Variants in CEP192 observed in about 807,000 individuals in gnomAD.
CEP192 encodes centrosomal protein 192, also known as centrosomal protein of 192 kDa.
In CEP192, 151 loss-of-function variants were observed where a neutral mutation model predicts 271.8. That is an observed-to-expected ratio of 0.56 (90% CI 0.49 to 0.64). The LOEUF (loss-of-function observed/expected upper bound fraction) is 0.64. Ranked by LOEUF, CEP192 falls within the 30% of genes least tolerant of loss-of-function variation. The pLI, the probability that CEP192 is intolerant of heterozygous loss-of-function variation, is 0.00. For missense variants in CEP192, 2,910 were observed against 3,020.5 expected, an observed-to-expected ratio of 0.96 and a Z score of 0.86; for synonymous variants, 995 against 1,076.5, an observed-to-expected ratio of 0.92 and a Z score of 1.48.
At chr18:13,092,349 G>A in intron 33 of CEP192, 28 bp from the exon 34 acceptor site, 1 of 1,473,820 alleles carries the variant, frequency 6.8e-7, no homozygotes, top group South Asian at 1.2e-5. Flanking sequence ...GAACATTCAT[G>A]TATTTCAAAC....
intron 36 of CEP192, among the ~76,000 whole-genome samples, chr18:13,098,391 C>T (rs1207947683): frequency 6.6e-6 from 1 of 152,118 alleles, no homozygotes; most frequent in Non-Finnish European, 1.5e-5. Flanking sequence ...GACGGGGCGG[C>T]TGCCGGGCGG....
intron 1 of CEP192, among the ~76,000 whole-genome samples, chr18:12,992,269 C>G (rs1239633792): frequency 6.6e-6 from 1 of 152,150 alleles, no homozygotes; most frequent in African/African-American, 2.4e-5. Context: ...AAGCCTTGAA[C>G]AATAATATAC....
intron 3 of CEP192, among the ~76,000 whole-genome samples, chr18:13,005,514 C>T (rs117542959): frequency 0.014 from 2,092 of 152,296 alleles, 19 homozygotes; most frequent in South Asian, 0.023. Context: ...AGGGTATCCT[C>T]TTGACTCTTG....
intron 15 of CEP192, among the ~76,000 whole-genome samples, chr18:13,046,005 G>C (rs2036454767): frequency 6.6e-6 from 1 of 152,122 alleles, no homozygotes; most frequent in East Asian, 1.9e-4. Context: ...GTATTAGCCT[G>C]TTTCTTGCAT....
At chr18:13,023,908 G>A (rs953997857) in intron 9 of CEP192, among the ~76,000 whole-genome samples, 2 of 152,148 alleles carry the variant, frequency 1.3e-5, no homozygotes, top group Non-Finnish European at 2.9e-5. Context: ...TCAGATAGGG[G>A]CCTACTCAAA....
intron 9 of CEP192, among the ~76,000 whole-genome samples, chr18:13,022,852 T>C (rs1358722078): frequency 6.6e-6 from 1 of 152,256 alleles, no homozygotes; most frequent in Non-Finnish European, 1.5e-5. Context: ...GGTTTTCTTT[T>C]ATTTCTTTCT....
intron 8 of CEP192, 80 bp from the exon 9 acceptor site, chr18:13,019,002 T>A: frequency 7.5e-7 from 1 of 1,332,646 alleles, no homozygotes; most frequent in South Asian, 1.5e-5. Context: ...ATAAAATAAT[T>A]TGACTGGCAA....
chr18:13,091,872 T>C (rs2039162977), intron 33 of CEP192, among the ~76,000 whole-genome samples: 1 of 152,212 alleles, frequency 6.6e-6, no homozygotes, highest in Non-Finnish European at 1.5e-5. Flanking sequence ...TTAAAAATCA[T>C]GGACCCTTAA....
Position 13,116,438 on chromosome 18 carries a change from A to G in CEP192, c.7351A>G (p.Thr2451Ala). ...AGAGGATGTGTACAGGTTCCGGCCG[A>G]CTAGTGTGGGGGAATCACGGACACT... is the stretch of plus-strand genomic sequence containing the variant. Reference protein sequence around the residue: ...APEDVYRFRPTSVGESRTLKV... With the variant: ...APEDVYRFRPASVGESRTLKV... The change falls in exon 43 of 45, where the codon ACT (threonine) becomes GCT (alanine). Residue 2451 changes from threonine to alanine, a missense_variant. Coordinates refer to ENST00000506447, the MANE Select transcript of CEP192 (RefSeq NM_032142.4). 1 of 1,612,420 alleles carries G rather than the reference A, an allele frequency of 6.2e-7. No homozygotes were observed. The highest frequency in any genetic ancestry group is 8.5e-7 in the Non-Finnish European group (1 of 1,179,456).
intron 40 of CEP192, among the ~76,000 whole-genome samples, chr18:13,107,080 G>A (rs770360168): frequency 6.6e-6 from 1 of 152,186 alleles, no homozygotes; most frequent in Non-Finnish European, 1.5e-5. Context: ...ATGTGTGTGT[G>A]TGTGTACATA....
Position 12,999,444 on chromosome 18 carries a change from T to G in CEP192, c.20T>G (p.Ile7Arg), listed in dbSNP as rs180793650. 2.6e-6 allele frequency: 4 copies of G among 1,548,558 alleles called. No homozygotes were observed. In the Admixed American group the frequency reaches 8.0e-5, roughly 31 times the overall value. The change falls in exon 2 of 45, where the codon ATA becomes AGA. Residue 7 changes from isoleucine to arginine, a missense_variant. Physicochemically the swap from Ile to Arg is moderately conservative, Grantham distance 97. Coordinates refer to ENST00000506447, the MANE Select transcript of CEP192 (RefSeq NM_032142.4). Reference sequence around the variant, plus strand: ...AGTGAGATGGAAGATTTTCGAGGTATAGCAGAAGAATCATTTCCAAGCTTT... The same window carrying G: ...AGTGAGATGGAAGATTTTCGAGGTAGAGCAGAAGAATCATTTCCAAGCTTT... MEDFRG[I>R]AEESFPSFLT...
At chr18:13,014,029 T>A (rs1383169159) in intron 5 of CEP192, among the ~76,000 whole-genome samples, 3 of 152,254 alleles carry the variant, frequency 2.0e-5, no homozygotes, top group Non-Finnish European at 4.4e-5. Flanking sequence ...ATGGCTGTTA[T>A]TTGTGCTACA....
intron 3 of CEP192, among the ~76,000 whole-genome samples, chr18:13,003,793 C>T (rs1599035587): frequency 6.6e-6 from 1 of 152,058 alleles, no homozygotes; most frequent in Non-Finnish European, 1.5e-5. Flanking sequence ...GAGTGAGACC[C>T]TATCTCAAAA....
At chr18:13,052,151 A>G (rs950121168) in intron 17 of CEP192, among the ~76,000 whole-genome samples, 4 of 152,230 alleles carry the variant, frequency 2.6e-5, no homozygotes, top group African/African-American at 9.6e-5. Flanking sequence ...AATGAACAGA[A>G]TAATGAGGAA....
At chr18:13,069,659 C>T in intron 26 of CEP192, 79 bp from the exon 27 acceptor site, 1 of 776,340 alleles carries the variant, frequency 1.3e-6, no homozygotes, top group South Asian at 1.5e-5. Flanking sequence ...ATGAGAAACG[C>T]ACGTAAGGCA....
chr18:13,097,465 C>G (rs143879854), intron 36 of CEP192, among the ~76,000 whole-genome samples: 150 of 151,892 alleles, frequency 9.9e-4, no homozygotes, highest in African/African-American at 3.4e-3. Flanking sequence ...CCTTTTTTTT[C>G]CAGTTTCCTC....
At chr18:13,033,195 T>A (rs1403512262) in intron 11 of CEP192, among the ~76,000 whole-genome samples, 2 of 152,188 alleles carry the variant, frequency 1.3e-5, no homozygotes, top group Non-Finnish European at 2.9e-5. Flanking sequence ...GCAATTCATA[T>A]TACAGGTTTA....
chr18:13,005,449 G>A lies in CEP192; in HGVS notation c.291-3007G>A, dbSNP rs1043631709. On this transcript the variant is annotated intron_variant, in intron 3 of 44. Coordinates refer to ENST00000506447, the MANE Select transcript of CEP192 (RefSeq NM_032142.4). ...GTAAAGGGCATTGTGAAGTTAGTCC[G>A]ACTCACCTGTTGCTGTGAGGAAACT... Among the ~76,000 whole-genome samples, 12 of 152,150 alleles carry A rather than the reference G, an allele frequency of 7.9e-5. No homozygotes were observed. The East Asian group carries it at 2.3e-3, about 29-fold the overall frequency.
chr18:13,086,814 T>C (rs1300281325), intron 30 of CEP192, among the ~76,000 whole-genome samples: 2 of 152,230 alleles, frequency 1.3e-5, no homozygotes, highest in Non-Finnish European at 2.9e-5. Flanking sequence ...CCAGATACTT[T>C]TGCAGCTCTT....
Sources: allele counts gnomAD v4.1 joint callset (sites outside exome capture counted in the v4.1 genomes callset), GRCh38; gene constraint gnomAD v4.1.1; transcripts MANE v1.5; gene names NCBI Gene and HGNC (gene_info 2026-07-23, HGNC 2026-07-21).